The following UNC13B variants were observed in gnomAD, a reference collection of about 807,000 sequenced individuals.
UNC13B encodes unc-13 homolog B.
A neutral mutation model predicts 211.0 loss-of-function variants in UNC13B; 144 were observed. The ratio of observed to expected loss-of-function variants is 0.68; its 90% CI spans 0.60 to 0.78. The LOEUF is 0.78. UNC13B is among the 30% of genes least tolerant of loss of function. UNC13B has a pLI of 0.00. For missense variants in UNC13B, 1,777 were observed against 2,002.0 expected (o/e 0.89, Z 2.14); for synonymous variants, 709 against 725.8 (o/e 0.98, Z 0.37).
chr9:35,195,225 A>G (rs751224129), intron 1 of UNC13B, among the ~76,000 whole-genome samples: 15 of 152,124 alleles, frequency 9.9e-5, no homozygotes, highest in Non-Finnish European at 1.9e-4. Flanking sequence ...CTGCAGCTTG[A>G]TTTTACAGGC....
At chr9:35,202,592 A>C (rs540947651) in intron 1 of UNC13B, among the ~76,000 whole-genome samples, 233 of 152,082 alleles carry the variant, frequency 1.5e-3, no homozygotes, top group African/African-American at 4.0e-3. Flanking sequence ...TGATCCCTTT[A>C]CCATTATGTA....
At chr9:35,355,299 T>C (rs1020500805) in intron 11 of UNC13B, among the ~76,000 whole-genome samples, 3 of 152,196 alleles carry the variant, frequency 2.0e-5, no homozygotes, top group African/African-American at 7.2e-5. Context: ...ATGTATTAGG[T>C]GAACAAATGG....
chr9:35,365,382 G>A (rs1336701786), intron 11 of UNC13B, among the ~76,000 whole-genome samples: 3 of 152,192 alleles, frequency 2.0e-5, no homozygotes, highest in Non-Finnish European at 4.4e-5. Flanking sequence ...CAGACATGTT[G>A]TTATCCCTTC....
chr9:35,349,984 C>G (rs974140793), intron 11 of UNC13B, among the ~76,000 whole-genome samples: 11 of 152,170 alleles, frequency 7.2e-5, no homozygotes, highest in African/African-American at 2.7e-4. Flanking sequence ...AAATCTCCAT[C>G]AAATCTAGAA....
chr9:35,343,296 C>T (rs977769109), intron 11 of UNC13B, among the ~76,000 whole-genome samples: 1 of 152,188 alleles, frequency 6.6e-6, no homozygotes, highest in Non-Finnish European at 1.5e-5. Flanking sequence ...CAAATATAAT[C>T]TCTTACTACT....
At chr9:35,342,163 G>A (rs184018737) in intron 11 of UNC13B, 16 of 985,350 alleles carry the variant, frequency 1.6e-5, no homozygotes, top group East Asian at 1.1e-4. Context: ...TCTGTTTGTC[G>A]GTTGGGCAAG....
chr9:35,185,904 C>G (rs780300580), intron 1 of UNC13B, among the ~76,000 whole-genome samples: 41 of 149,270 alleles, frequency 2.7e-4, no homozygotes, highest in African/African-American at 9.1e-4. Context: ...GGCGACAGAG[C>G]GAGACTCTAC....
intron 7 of UNC13B, among the ~76,000 whole-genome samples, chr9:35,283,029 G>T (rs1828595025): frequency 6.6e-6 from 1 of 152,062 alleles, no homozygotes; most frequent in Admixed American, 6.6e-5. Flanking sequence ...TCCCCAATTT[G>T]TAGACATTTG....
chr9:35,397,125 A>G lies in UNC13B; in HGVS notation c.11533-42A>G, dbSNP rs780921042. 1.9e-6 allele frequency: 3 copies of G among 1,610,242 alleles called. No homozygotes were observed. The South Asian group carries it at 3.3e-5, about 18-fold the overall frequency. The stretch of plus-strand genomic sequence containing the variant: ...TCAAACTCTACAAGCTTGGGAAAAG[A>G]TAGCAGCTGTGGATGGTGACCCTGT... On this transcript the variant is annotated intron_variant, in intron 28 of 39. Coordinates refer to ENST00000635942, the MANE Select transcript of UNC13B (RefSeq NM_001371189.2).
chr9:35,402,721 C>A (rs577321707), intron 37 of UNC13B, among the ~76,000 whole-genome samples: 1 of 152,176 alleles, frequency 6.6e-6, no homozygotes, highest in Admixed American at 6.5e-5. Flanking sequence ...GCACAGCAGC[C>A]TCCCAAGCAG....
At position 35,384,251 on chromosome 9, in the gene UNC13B, G is replaced by C. The variant is rs1835040902; in HGVS notation, c.10812G>C (p.Glu3604Asp). 1 of 1,614,024 alleles carries C rather than the reference G, an allele frequency of 6.2e-7. No homozygotes were observed. The highest frequency in any genetic ancestry group is 8.5e-7 in the Non-Finnish European group (1 of 1,179,952). ...DRFAASNFGK[E>D]RFVKLLDQLH... Reference sequence around the variant, plus strand: ...TATTTGTTTCTCACCCTCAGAAAGAGAGATTTGTAAAACTGCTGGACCAGC... The same window carrying C: ...TATTTGTTTCTCACCCTCAGAAAGACAGATTTGTAAAACTGCTGGACCAGC... The change falls in exon 22 of 40, where the codon GAG becomes GAC. Residue 3604 changes from glutamate (E) to aspartate (D), a missense_variant. Transcript: ENST00000635942.
chr9:35,233,854 G>T (rs913167159), intron 3 of UNC13B, among the ~76,000 whole-genome samples: 5 of 152,048 alleles, frequency 3.3e-5, no homozygotes, highest in African/African-American at 1.2e-4. Context: ...TAGGGTCCTG[G>T]GTATGAAGCA....
Position 35,353,246 on chromosome 9 carries a change from G to T in UNC13B, c.9415-13701G>T, listed in dbSNP as rs1035312633. ...TCTGGGTGGCTCTCAGGAGGATGAGGATGTGGAAATCAAGTTTTATACAAG... is the reference window on the plus strand; with the variant it reads ...TCTGGGTGGCTCTCAGGAGGATGAGTATGTGGAAATCAAGTTTTATACAAG... On this transcript the variant is annotated intron_variant, in intron 11 of 39. Transcript: ENST00000635942. 1.1e-5 allele frequency: 13 copies of T among 1,232,162 alleles called. No homozygotes were observed. In the African/African-American group the frequency reaches 1.9e-4, roughly 18 times the overall value. The allele number at this position is 1,232,162 out of a possible 1,614,324, so 76.3% of individuals were successfully genotyped here. A position where few individuals can be genotyped will look rare whatever the true frequency, so the allele number is the denominator to read the frequency against.
At chr9:35,341,459 C>T (rs1203880599) in intron 11 of UNC13B, among the ~76,000 whole-genome samples, 5 of 152,152 alleles carry the variant, frequency 3.3e-5, no homozygotes, top group Admixed American at 3.3e-4. Context: ...CAACTTAGAG[C>T]TTGTCTCAGT....
intron 1 of UNC13B, among the ~76,000 whole-genome samples, chr9:35,199,235 T>A (rs1427080048): frequency 6.6e-6 from 1 of 152,200 alleles, no homozygotes; most frequent in Non-Finnish European, 1.5e-5. Flanking sequence ...CTTAATCCGA[T>A]CTATCACTGA....
At chr9:35,182,107 T>A (rs951915276) in intron 1 of UNC13B, among the ~76,000 whole-genome samples, 1 of 152,316 alleles carries the variant, frequency 6.6e-6, no homozygotes, top group Non-Finnish European at 1.5e-5. Flanking sequence ...GAATACTACT[T>A]CTTTTACATT....
intron 1 of UNC13B, among the ~76,000 whole-genome samples, chr9:35,182,570 T>A (rs960773185): frequency 2.0e-5 from 3 of 152,164 alleles, no homozygotes; most frequent in African/African-American, 7.2e-5. Context: ...GGTCAGCAGA[T>A]AAACACGTGA....
chr9:35,182,937 C>T (rs545996250), intron 1 of UNC13B, among the ~76,000 whole-genome samples: 38 of 152,006 alleles, frequency 2.5e-4, no homozygotes, highest in South Asian at 4.2e-4. Context: ...CTTTTCTTTT[C>T]GACAAAACCG....
chr9:35,167,219 G>A (rs1352564209), intron 1 of UNC13B, among the ~76,000 whole-genome samples: 3 of 151,952 alleles, frequency 2.0e-5, no homozygotes, highest in Non-Finnish European at 2.9e-5. Flanking sequence ...GATTACAGGC[G>A]CCCATCACCA....
Sources: gnomAD v4.1 joint callset for allele counts (sites outside exome capture counted in the v4.1 genomes callset) on GRCh38, gnomAD v4.1.1 for gene constraint, MANE v1.5 for transcripts, NCBI Gene and HGNC (gene_info 2026-07-23, HGNC 2026-07-21) for gene names.